The following CNTN5 variants were observed in gnomAD, a reference collection of about 807,000 sequenced individuals.
CNTN5 encodes contactin-5.
CNTN5 carries 77 observed loss-of-function variants against 129.1 expected under a neutral mutation model. That is an observed-to-expected ratio of 0.60 (90% CI 0.50 to 0.72). CNTN5 has a LOEUF of 0.72. Among genes scored for constraint, CNTN5 ranks in the 30% least tolerant of loss-of-function variants. The probability of loss-of-function intolerance (pLI) is 0.00; values close to 1 mark genes in which losing one functional copy is unlikely to be tolerated. For missense variants in CNTN5, 1,478 were observed against 1,328.8 expected (o/e 1.11, Z -1.75); for synonymous variants, 509 against 465.6 (o/e 1.09, Z -1.20).
intron 9 of CNTN5, among the ~76,000 whole-genome samples, chr11:100,054,524 G>A (rs7945782): frequency 0.53 from 80,960 of 151,432 alleles, 22,182 homozygotes; most frequent in East Asian, 0.75. Flanking sequence ...GTTTAGAAGC[G>A]TTTCAGATTA....
intron 3 of CNTN5, among the ~76,000 whole-genome samples, chr11:99,704,094 C>T (rs568569814): frequency 4.3e-4 from 65 of 150,276 alleles, no homozygotes; most frequent in African/African-American, 1.5e-3. Flanking sequence ...TATACATACA[C>T]CCATATGCAT....
At chr11:100,058,441 A>C (rs1943328853) in intron 9 of CNTN5, among the ~76,000 whole-genome samples, 1 of 152,124 alleles carries the variant, frequency 6.6e-6, no homozygotes, top group African/African-American at 2.4e-5. Flanking sequence ...CTCACCAACG[A>C]ATAAGCTCAC....
At chr11:99,690,635 C>A (rs1954002956) in intron 3 of CNTN5, among the ~76,000 whole-genome samples, 1 of 152,030 alleles carries the variant, frequency 6.6e-6, no homozygotes, top group African/African-American at 2.4e-5. Context: ...TTTGTGTCAT[C>A]TCTAATTTCT....
chr11:99,717,459 A>G (rs1330542772), intron 3 of CNTN5, among the ~76,000 whole-genome samples: 1 of 152,090 alleles, frequency 6.6e-6, no homozygotes, highest in Non-Finnish European at 1.5e-5. Context: ...TATCAGTAAT[A>G]TAAAAAAAGA....
chr11:99,736,042 C>G (rs956924044), intron 3 of CNTN5, among the ~76,000 whole-genome samples: 1 of 151,568 alleles, frequency 6.6e-6, no homozygotes, highest in East Asian at 1.9e-4. Flanking sequence ...CTTTTTCTTT[C>G]TCTTTCTCTG....
chr11:99,299,537 T>A (rs927297142), intron 1 of CNTN5, among the ~76,000 whole-genome samples: 9 of 152,110 alleles, frequency 5.9e-5, no homozygotes, highest in Admixed American at 1.3e-4. Context: ...TAAAGAAAAA[T>A]AAACAGAGTC....
chr11:99,598,042 C>T (rs902400321), intron 3 of CNTN5, among the ~76,000 whole-genome samples: 1 of 152,050 alleles, frequency 6.6e-6, no homozygotes, highest in Non-Finnish European at 1.5e-5. Flanking sequence ...CAATTCTGAG[C>T]CATTAGGATG....
intron 6 of CNTN5, among the ~76,000 whole-genome samples, chr11:99,891,919 A>G (rs978403851): frequency 3.9e-5 from 6 of 152,210 alleles, no homozygotes; most frequent in African/African-American, 1.4e-4. Context: ...GTCTTCCACA[A>G]TGGTTGAACT....
chr11:100,301,976 G>A (rs2138899347), intron 20 of CNTN5, among the ~76,000 whole-genome samples: 1 of 151,748 alleles, frequency 6.6e-6, no homozygotes, highest in Admixed American at 6.6e-5. Flanking sequence ...ATTTGAGGCT[G>A]CAGTGGGCTA....
At chr11:99,729,059 G>A (rs566768675) in intron 3 of CNTN5, among the ~76,000 whole-genome samples, 8 of 152,092 alleles carry the variant, frequency 5.3e-5, no homozygotes, top group African/African-American at 1.7e-4. Context: ...GAGGTTCAAC[G>A]GTGAACAAGA....
At chr11:99,961,697 C>T (rs949433529) in intron 8 of CNTN5, among the ~76,000 whole-genome samples, 1 of 152,178 alleles carries the variant, frequency 6.6e-6, no homozygotes, top group African/African-American at 2.4e-5. Context: ...AGTCCAAAGA[C>T]TCATCTCTTA....
intron 13 of CNTN5, among the ~76,000 whole-genome samples, chr11:100,087,227 AC>A (rs1944588256): frequency 1.3e-5 from 2 of 151,818 alleles, no homozygotes; most frequent in African/African-American, 4.8e-5. Flanking sequence ...TAATTAAATG[AC>A]AAAAAATTGG....
At position 99,579,771 on chromosome 11, in the gene CNTN5, T is replaced by C. The variant is rs769867977; in HGVS notation, c.55+23502T>C. ...TTTCTAGATATACAATGATGTCATC[T>C]GCAAACAGGGACAATTTGACTTCCT... On this transcript the variant is annotated intron_variant, in intron 3 of 24. Transcript: ENST00000524871. 1.4e-3 allele frequency among the ~76,000 whole-genome samples: 207 copies of C among 150,448 alleles called. 2 individuals carry two copies. Among genetic ancestry groups the C allele is most frequent in the Admixed American group, 8.1e-3 (122 of 15,090 alleles).
intron 2 of CNTN5, among the ~76,000 whole-genome samples, chr11:99,422,451 G>A (rs1224833347): frequency 2.1e-5 from 3 of 146,290 alleles, no homozygotes; most frequent in African/African-American, 5.0e-5. Context: ...TAAAGAAAAT[G>A]TATGTCCTAA....
chr11:99,789,441 A>G (rs1441992515), intron 3 of CNTN5, among the ~76,000 whole-genome samples: 1 of 152,004 alleles, frequency 6.6e-6, no homozygotes, highest in East Asian at 1.9e-4. Flanking sequence ...ATAATTTTTC[A>G]TGTTATAATG....
rs983887193 is a variant in CNTN5, at chr11:99,874,026, G to A, written c.577+28764G>A. Among the ~76,000 whole-genome samples, 4 of 152,052 alleles carry A rather than the reference G, an allele frequency of 2.6e-5. No individual in the cohort carries two copies. In the South Asian group the frequency reaches 6.2e-4, roughly 24 times the overall value. Reference sequence around the variant, plus strand: ...AGCTAAACAATGGGTAAACATGGACGTGAAGATAGAAAGAATAGGCTCTGG... The same window carrying A: ...AGCTAAACAATGGGTAAACATGGACATGAAGATAGAAAGAATAGGCTCTGG... On this transcript the variant is annotated intron_variant, in intron 6 of 24. Coordinates refer to ENST00000524871, the MANE Select transcript of CNTN5 (RefSeq NM_014361.4).
At position 99,291,632 on chromosome 11, in the gene CNTN5, G is replaced by T. The variant is rs183233352; in HGVS notation, c.-209-33714G>T. ...ATTATATAACTTATAGCTATACATC[G>T]TATAATGTGTGGTTATCTCAGAAAA... On this transcript the variant is annotated intron_variant, in intron 1 of 24. Transcript: ENST00000524871. Among the ~76,000 whole-genome samples the T allele has an allele frequency of 2.6e-5, 4 of 152,040 alleles. No individual in the cohort carries two copies. The East Asian group carries it at 7.7e-4, about 29-fold the overall frequency.
intron 2 of CNTN5, among the ~76,000 whole-genome samples, chr11:99,380,334 TG>T (rs957831827): frequency 6.6e-6 from 1 of 152,218 alleles, no homozygotes; most frequent in Non-Finnish European, 1.5e-5. Context: ...CTGCCTGATT[TG>T]TCCAAAATAT....
chr11:99,426,317 C>T (rs1392871459), intron 2 of CNTN5, among the ~76,000 whole-genome samples: 1 of 152,040 alleles, frequency 6.6e-6, no homozygotes, highest in Non-Finnish European at 1.5e-5. Context: ...TAAAATAAGT[C>T]ATTCATTTAT....
Sources: allele counts gnomAD v4.1 joint callset (sites outside exome capture counted in the v4.1 genomes callset), GRCh38; gene constraint gnomAD v4.1.1; transcripts MANE v1.5; gene names NCBI Gene and HGNC (gene_info 2026-07-23, HGNC 2026-07-21).